RANBP2: variants seen among roughly 807,000 people sequenced by gnomAD.
RANBP2 encodes the protein RAN binding protein 2.
A neutral mutation model predicts 303.6 loss-of-function variants in RANBP2; 57 were observed. The ratio of observed to expected loss-of-function variants is 0.19; its 90% CI spans 0.15 to 0.23. The LOEUF (loss-of-function observed/expected upper bound fraction) is 0.23. Among genes scored for constraint, RANBP2 ranks in the 10% least tolerant of loss-of-function variants. The probability of loss-of-function intolerance (pLI) is 1.00; values close to 1 mark genes in which losing one functional copy is unlikely to be tolerated. For synonymous variants in RANBP2, 1,167 were observed against 1,301.5 expected, an observed-to-expected ratio of 0.90 and a Z score of 2.23; for missense variants, 3,138 against 3,780.8, an observed-to-expected ratio of 0.83 and a Z score of 4.46.
the RANBP2 span, among the ~76,000 whole-genome samples, chr2:108,847,924 G>C: frequency 6.6e-6 from 1 of 152,100 alleles, no homozygotes; most frequent in Non-Finnish European, 1.5e-5. Context: ...GTGTGTGAAA[G>C]GTCACTTACG....
chr2:109,166,194 G>A, the RANBP2 span, among the ~76,000 whole-genome samples: 1 of 152,032 alleles, frequency 6.6e-6, no homozygotes, highest in Non-Finnish European at 1.5e-5. Context: ...AAGGAAAGAT[G>A]CAGGCCAGGC....
chr2:108,884,343 C>T, the RANBP2 span: 1 of 152,324 alleles, frequency 6.6e-6, no homozygotes, highest in Middle Eastern at 3.4e-3. Flanking sequence ...AAGATAAACA[C>T]TCCTCAGAAT....
At position 108,766,485 on chromosome 2, in the gene RANBP2, A is replaced by G. The variant is rs1163459953; in HGVS notation, c.5946A>G (p.Gln1982=). ...CTGGAGAAAAATTATTCTCATCACA[A>G]TACGGTAAAATGGCCAATAAAGCAA... ...SGAGEKLFSS[Q]YGKMANKANT... is the part of the protein sequence containing the mutation. Residue 1982 remains glutamine, a synonymous_variant, in exon 20 of 29, where the codon CAA becomes CAG. Coordinates refer to ENST00000283195, the MANE Select transcript of RANBP2 (RefSeq NM_006267.5). 7 of 1,611,990 alleles carry G rather than the reference A, an allele frequency of 4.3e-6. No homozygotes were observed. Among genetic ancestry groups the G allele is most frequent in the Admixed American group, 1.7e-5 (1 of 60,014 alleles).
chr2:108,881,530 C>A, the RANBP2 span, among the ~76,000 whole-genome samples: 1 of 152,164 alleles, frequency 6.6e-6, no homozygotes, highest in Non-Finnish European at 1.5e-5. Context: ...TTCACAACTT[C>A]GTAGTTTGGC....
At chr2:109,129,964 G>A in the RANBP2 span, 9 of 1,416,712 alleles carry the variant, frequency 6.4e-6, no homozygotes, top group Non-Finnish European at 7.3e-6. Context: ...TCCCATCCCA[G>A]GCCAGAGTGC....
At chr2:108,939,100 A>G in the RANBP2 span, among the ~76,000 whole-genome samples, 1 of 152,114 alleles carries the variant, frequency 6.6e-6, no homozygotes. Flanking sequence ...TTATATAAGC[A>G]TAGTAACATG....
chr2:109,055,269 G>A, the RANBP2 span, among the ~76,000 whole-genome samples: 1 of 152,004 alleles, frequency 6.6e-6, no homozygotes, highest in Non-Finnish European at 1.5e-5. Flanking sequence ...TTATTAAAAT[G>A]AAGACACTTC....
the RANBP2 span, among the ~76,000 whole-genome samples, chr2:109,017,399 A>G: frequency 6.6e-6 from 1 of 152,172 alleles, no homozygotes; most frequent in African/African-American, 2.4e-5. Flanking sequence ...TCAGCTTCTG[A>G]ATGAGAGAGA....
the RANBP2 span, among the ~76,000 whole-genome samples, chr2:108,915,513 G>A: frequency 6.6e-6 from 1 of 152,172 alleles, no homozygotes; most frequent in African/African-American, 2.4e-5. Flanking sequence ...GATGATGAAT[G>A]GAGGCTTTTT....
the RANBP2 span, among the ~76,000 whole-genome samples, chr2:109,236,730 A>G: frequency 6.6e-6 from 1 of 152,212 alleles, no homozygotes; most frequent in Non-Finnish European, 1.5e-5. Context: ...TTCTTACAGC[A>G]TGGACTGTTT....
the RANBP2 span, among the ~76,000 whole-genome samples, chr2:109,301,482 G>A: frequency 6.6e-6 from 1 of 152,122 alleles, no homozygotes; most frequent in Non-Finnish European, 1.5e-5. Flanking sequence ...AGGTGTCTGA[G>A]GATGGAGAGG....
At chr2:109,639,050 C>A in the RANBP2 span, among the ~76,000 whole-genome samples, 3 of 152,324 alleles carry the variant, frequency 2.0e-5, no homozygotes, top group African/African-American at 7.2e-5. Context: ...GGCTAGTTGA[C>A]TAATGCTTAG....
At chr2:109,016,240 C>A in the RANBP2 span, among the ~76,000 whole-genome samples, 1 of 151,978 alleles carries the variant, frequency 6.6e-6, no homozygotes, top group African/African-American at 2.4e-5. Context: ...GGCCACCACG[C>A]CCGGCTAATT....
At chr2:109,120,109 G>C in the RANBP2 span, among the ~76,000 whole-genome samples, 2 of 152,248 alleles carry the variant, frequency 1.3e-5, no homozygotes, top group Non-Finnish European at 2.9e-5. Flanking sequence ...CCAAGGCCAT[G>C]CAGAGTGGGA....
chr2:109,713,037 T>C, the RANBP2 span, among the ~76,000 whole-genome samples: 3 of 152,224 alleles, frequency 2.0e-5, no homozygotes, highest in South Asian at 2.1e-4. Flanking sequence ...GAGGGTACAC[T>C]GAGGGGAGGG....
the RANBP2 span, among the ~76,000 whole-genome samples, chr2:108,874,668 A>G: frequency 2.4e-4 from 36 of 152,300 alleles, no homozygotes; most frequent in African/African-American, 8.4e-4. Context: ...TAAGAGATCC[A>G]TATGTTCTAT....
rs1219929567 is a variant in RANBP2 at position 108,763,722 on chromosome 2, T to G, written c.3183T>G (p.Ser1061Arg). The stretch of plus-strand genomic sequence containing the variant: ...CACAGCCCCCTCCTGCAGCTTACAG[T>G]AACAGTGAAAGCCTTTTAGGTCTCC... ...VVTQPPPAAY[S>R]NSESLLGLLT... is the part of the protein sequence containing the mutation. The change falls in exon 20 of 29, where the codon AGT (serine) becomes AGG (arginine). Residue 1061 changes from serine to arginine, a missense_variant. Physicochemically the swap from Ser to Arg is moderately radical, Grantham distance 110. Around this residue, in one of 20 missense-constraint regions of RANBP2, gnomAD observed 403 missense variants for 376.7 expected, o/e 1.07. Coordinates refer to ENST00000283195, the MANE Select transcript of RANBP2 (RefSeq NM_006267.5). 1 of 1,613,910 alleles carries G rather than the reference T, an allele frequency of 6.2e-7. No individual in the cohort carries two copies. Among genetic ancestry groups the G allele is most frequent in the Non-Finnish European group, 8.5e-7 (1 of 1,179,974 alleles).
chr2:108,815,049 C>T, the RANBP2 span, among the ~76,000 whole-genome samples: 1 of 152,038 alleles, frequency 6.6e-6, no homozygotes, highest in African/African-American at 2.4e-5. Flanking sequence ...TGTAATAATA[C>T]TTAGTCTAAT....
At chr2:109,079,620 G>A in the RANBP2 span, among the ~76,000 whole-genome samples, 16,396 of 152,252 alleles carry the variant, frequency 0.11, 1,174 homozygotes, top group African/African-American at 0.19. Context: ...GGCCCTGTCC[G>A]GTCCCAACCA....
Sources: allele counts gnomAD v4.1 joint callset (sites outside exome capture counted in the v4.1 genomes callset), GRCh38; gene constraint gnomAD v4.1.1; regional missense constraint gnomAD v4.1.1; transcripts MANE v1.5; gene names NCBI Gene and HGNC (gene_info 2026-07-23, HGNC 2026-07-21).